Variants in NTM observed in about 807,000 individuals in gnomAD.
NTM encodes neurotrimin.
Under a neutral mutation model 42.1 loss-of-function variants are expected in NTM, and 13 were observed. That is an observed-to-expected ratio of 0.31 (90% CI 0.20 to 0.49). NTM has a LOEUF of 0.49. NTM is among the 20% of genes least tolerant of loss of function. NTM has a pLI of 0.99. For synonymous variants in NTM, 187 were observed against 179.2 expected, an observed-to-expected ratio of 1.04 and a Z score of -0.35; for missense variants, 373 against 452.8, an observed-to-expected ratio of 0.82 and a Z score of 1.60.
At chr11:131,443,161 T>C (rs913439897) in intron 1 of NTM, among the ~76,000 whole-genome samples, 8 of 152,152 alleles carry the variant, frequency 5.3e-5, no homozygotes, top group Non-Finnish European at 1.2e-4. Context: ...CAGGGTAAGC[T>C]AGATTTGCTG....
At chr11:131,748,782 G>A (rs1328306170) in intron 1 of NTM, among the ~76,000 whole-genome samples, 5 of 152,144 alleles carry the variant, frequency 3.3e-5, no homozygotes, top group African/African-American at 2.4e-5. Context: ...GGGACTGCCT[G>A]GCACTACTTC....
At chr11:131,691,987 C>T (rs2074826495) in intron 1 of NTM, among the ~76,000 whole-genome samples, 1 of 152,226 alleles carries the variant, frequency 6.6e-6, no homozygotes, top group Admixed American at 6.5e-5. Context: ...GGACTGCGGG[C>T]AGGCGTGGGA....
At chr11:131,603,616 C>G (rs1038784468) in intron 1 of NTM, among the ~76,000 whole-genome samples, 2 of 152,126 alleles carry the variant, frequency 1.3e-5, no homozygotes, top group East Asian at 3.9e-4. Flanking sequence ...GCACCTATAA[C>G]CACAGTTAAT....
intron 3 of NTM, among the ~76,000 whole-genome samples, chr11:132,175,069 G>C (rs1203051329): frequency 6.6e-6 from 1 of 152,130 alleles, no homozygotes; most frequent in African/African-American, 2.4e-5. Context: ...TGGAATGTGG[G>C]AGGCTGCTGC....
intron 1 of NTM, among the ~76,000 whole-genome samples, chr11:131,512,559 C>T (rs1423617084): frequency 6.6e-6 from 1 of 152,204 alleles, no homozygotes; most frequent in African/African-American, 2.4e-5. Context: ...GGCTGTGCTC[C>T]TCCCTCTCTA....
At chr11:132,292,787 T>TA (rs61603794) in intron 4 of NTM, among the ~76,000 whole-genome samples, 3,808 of 56,546 alleles carry the variant, frequency 0.067, 294 homozygotes, top group African/African-American at 0.13. Context: ...GATGTAAAAG[T>TA]AAAAAAAAAA....
chr11:131,590,502 G>C (rs2059268461), intron 1 of NTM, among the ~76,000 whole-genome samples: 1 of 152,180 alleles, frequency 6.6e-6, no homozygotes, highest in Non-Finnish European at 1.5e-5. Context: ...AAGTGCACTG[G>C]ACTGGTCTCT....
intron 1 of NTM, among the ~76,000 whole-genome samples, chr11:131,464,860 A>G (rs531351316): frequency 6.6e-6 from 1 of 152,298 alleles, no homozygotes; most frequent in South Asian, 2.1e-4. Flanking sequence ...AAAATCCCCA[A>G]ACCTCTGAAT....
chr11:131,433,824 G>A lies in NTM; in HGVS notation c.82+62936G>A, dbSNP rs1276873811. Among the ~76,000 whole-genome samples the A allele has an allele frequency of 4.6e-5, 7 of 152,230 alleles. No homozygotes were observed. In the East Asian group the frequency reaches 5.8e-4, roughly 13 times the overall value. On this transcript the variant is annotated intron_variant, in intron 1 of 8. Transcript: ENST00000683400. ...GACTTTTTAAAAAATTATACTTTAA[G>A]TTCTAGGGTACATGTGCACAACGTG...
chr11:132,166,304 G>T (rs948024964), intron 3 of NTM, among the ~76,000 whole-genome samples: 2 of 152,064 alleles, frequency 1.3e-5, no homozygotes, highest in African/African-American at 2.4e-5. Context: ...CCACCTCATG[G>T]TCTCTATTAG....
chr11:131,984,206 C>T (rs910032185), intron 2 of NTM, among the ~76,000 whole-genome samples: 4 of 152,180 alleles, frequency 2.6e-5, no homozygotes, highest in Non-Finnish European at 5.9e-5. Flanking sequence ...GCTCAAAGTC[C>T]GAGTTCACCT....
chr11:131,563,735 C>A (rs1390808262), intron 1 of NTM, among the ~76,000 whole-genome samples: 1 of 151,958 alleles, frequency 6.6e-6, no homozygotes, highest in Non-Finnish European at 1.5e-5. Context: ...TCAAATGAAC[C>A]CCCTTCCCTA....
At chr11:131,467,712 C>T (rs371926903) in intron 1 of NTM, among the ~76,000 whole-genome samples, 1 of 152,162 alleles carries the variant, frequency 6.6e-6, no homozygotes, top group Admixed American at 6.5e-5. Flanking sequence ...AATAGAATTA[C>T]TGAAATGCTC....
chr11:131,718,910 TG>T (rs538352929), intron 1 of NTM, among the ~76,000 whole-genome samples: 59 of 152,304 alleles, frequency 3.9e-4, no homozygotes, highest in African/African-American at 1.4e-3. Context: ...TTTCATTGCC[TG>T]GTATCAGTGT....
chr11:131,727,196 A>G (rs1391331292), intron 1 of NTM, among the ~76,000 whole-genome samples: 1 of 145,306 alleles, frequency 6.9e-6, no homozygotes, highest in Non-Finnish European at 1.5e-5. Context: ...TAGGAAGACA[A>G]ATTGTGTGGT....
intron 2 of NTM, among the ~76,000 whole-genome samples, chr11:131,962,949 C>T (rs2062393563): frequency 6.6e-6 from 1 of 152,162 alleles, no homozygotes; most frequent in Non-Finnish European, 1.5e-5. Flanking sequence ...CACTGCATCC[C>T]CCACCCATCA....
At chr11:131,999,910 C>T (rs79342879) in intron 2 of NTM, among the ~76,000 whole-genome samples, 2,882 of 152,208 alleles carry the variant, frequency 0.019, 89 homozygotes, top group African/African-American at 0.065. Context: ...CTCTTTTTCA[C>T]GGTTGATTTC....
chr11:131,914,021 T>C (rs2055802971), intron 2 of NTM, among the ~76,000 whole-genome samples: 1 of 152,200 alleles, frequency 6.6e-6, no homozygotes, highest in Non-Finnish European at 1.5e-5. Context: ...TCTGATGCGC[T>C]AGAACAAGGA....
chr11:131,821,371 G>A (rs1160865095), intron 1 of NTM, among the ~76,000 whole-genome samples: 1 of 152,206 alleles, frequency 6.6e-6, no homozygotes, highest in Non-Finnish European at 1.5e-5. Context: ...TGTGTGAAAA[G>A]TACTGTGTGA....
Sources: allele counts gnomAD v4.1 joint callset (sites outside exome capture counted in the v4.1 genomes callset), GRCh38; gene constraint gnomAD v4.1.1; transcripts MANE v1.5; gene names NCBI Gene and HGNC (gene_info 2026-07-23, HGNC 2026-07-21).